Variants in MACROD2 observed in about 807,000 individuals in gnomAD.
MACROD2 encodes the protein ADP-ribose glycohydrolase MACROD2.
In MACROD2, 36 loss-of-function variants were observed where a neutral mutation model predicts 70.4. That is an observed-to-expected ratio of 0.51 (90% CI 0.39 to 0.68). The LOEUF (loss-of-function observed/expected upper bound fraction) is 0.68, where lower values mean the gene tolerates loss of function less well. MACROD2 is among the 30% of genes least tolerant of loss of function. The pLI, the probability that MACROD2 is intolerant of heterozygous loss-of-function variation, is 0.00. For missense variants in MACROD2, 496 were observed against 538.4 expected, an observed-to-expected ratio of 0.92 and a Z score of 0.78; for synonymous variants, 172 against 178.8, an observed-to-expected ratio of 0.96 and a Z score of 0.30.
intron 6 of MACROD2, among the ~76,000 whole-genome samples, chr20:15,345,845 G>A (rs549695751): frequency 3.9e-5 from 6 of 152,270 alleles, no homozygotes; most frequent in Admixed American, 1.3e-4. Context: ...CAGTGCAATG[G>A]ACCATTCTGG....
chr20:15,984,631 T>TC (rs57030785), intron 13 of MACROD2, among the ~76,000 whole-genome samples: 3,196 of 147,538 alleles, frequency 0.022, 40 homozygotes, highest in African/African-American at 0.036. Context: ...AAATTTTGCC[T>TC]CCCCCCCCCG....
At position 14,600,339 on chromosome 20, in the gene MACROD2, TATATAC is replaced by T. The variant is rs1426069191; in HGVS notation, c.302-84502_302-84497del. Among the ~76,000 whole-genome samples, 214 of 142,674 alleles carry T rather than the reference TATATAC, an allele frequency of 1.5e-3. 3 individuals carry two copies. The highest frequency in any genetic ancestry group is 5.7e-3 in the African/African-American group (200 of 34,880). 93.6% of individuals were successfully genotyped at this position (142,674 alleles called of 152,430 possible). ...TAATATGCAGCTACATATATATATA[TATATAC>T]ACACACACACACACACACACAAATA... On this transcript the variant is annotated intron_variant, in intron 4 of 17. Coordinates refer to ENST00000684519, the MANE Select transcript of MACROD2 (RefSeq NM_001351661.2).
chr20:14,470,620 C>T (rs1468314815), intron 3 of MACROD2, among the ~76,000 whole-genome samples: 1 of 152,062 alleles, frequency 6.6e-6, no homozygotes. Context: ...AGATTCCCTG[C>T]CTAGGGTGGA....
intron 5 of MACROD2, among the ~76,000 whole-genome samples, chr20:14,950,968 A>G (rs79372354): frequency 0.081 from 12,296 of 152,134 alleles, 678 homozygotes; most frequent in Non-Finnish European, 0.12. Context: ...TTAGAATTAG[A>G]AGGGGGAGAT....
At chr20:14,010,235 G>T (rs1404647750) in intron 2 of MACROD2, among the ~76,000 whole-genome samples, 2 of 152,140 alleles carry the variant, frequency 1.3e-5, no homozygotes, top group Non-Finnish European at 2.9e-5. Context: ...GGAAGCTAGA[G>T]AAAAAGTGCT....
At chr20:15,114,470 G>A (rs779179880) in intron 5 of MACROD2, among the ~76,000 whole-genome samples, 12 of 152,232 alleles carry the variant, frequency 7.9e-5, no homozygotes, top group East Asian at 7.7e-4. Flanking sequence ...GTAGTTCTTG[G>A]TTGGTAGCCA....
At chr20:14,329,860 C>A (rs533637511) in intron 3 of MACROD2, among the ~76,000 whole-genome samples, 2 of 152,012 alleles carry the variant, frequency 1.3e-5, no homozygotes, top group African/African-American at 4.8e-5. Flanking sequence ...GGTCTCAATT[C>A]TCCCAACTGC....
rs150990831 is a variant in MACROD2, at chr20:15,643,517, C to T, written c.645+143670C>T. Among the ~76,000 whole-genome samples, 418 of 151,812 alleles carry T rather than the reference C, an allele frequency of 2.8e-3. 2 individuals carry two copies. Among genetic ancestry groups the T allele is most frequent in the African/African-American group, 9.2e-3 (381 of 41,382 alleles). The stretch of plus-strand genomic sequence containing the variant: ...TGTCAGATTGACTTATGTCATTGCA[C>T]GTTTGTCATCAGTCTCTTTTATGGA... On this transcript the variant is annotated intron_variant, in intron 8 of 17. Coordinates refer to ENST00000684519, the MANE Select transcript of MACROD2 (RefSeq NM_001351661.2).
At chr20:14,007,167 A>C (rs1299542915) in intron 2 of MACROD2, among the ~76,000 whole-genome samples, 2 of 151,528 alleles carry the variant, frequency 1.3e-5, no homozygotes, top group Non-Finnish European at 2.9e-5. Context: ...ATCATTCCTT[A>C]TTTATTTGTC....
chr20:15,057,284 T>G (rs1223610545), intron 5 of MACROD2, among the ~76,000 whole-genome samples: 1 of 152,234 alleles, frequency 6.6e-6, no homozygotes, highest in East Asian at 1.9e-4. Flanking sequence ...AGGACTGCCT[T>G]CCTTAAGTGT....
intron 4 of MACROD2, among the ~76,000 whole-genome samples, chr20:14,527,499 T>C (rs1356230092): frequency 2.3e-4 from 2 of 8,658 alleles, no homozygotes; most frequent in East Asian, 0.05. Flanking sequence ...TCTGATTATA[T>C]AGGCAAAAAA....
At chr20:13,996,282 C>G (rs1055894947) in intron 1 of MACROD2, 3 of 176,048 alleles carry the variant, frequency 1.7e-5, no homozygotes, top group Non-Finnish European at 3.5e-5. Context: ...CCTTCTCGCC[C>G]CTGTCCCCCC....
intron 8 of MACROD2, among the ~76,000 whole-genome samples, chr20:15,624,103 G>A (rs1024516308): frequency 3.4e-4 from 51 of 152,220 alleles, no homozygotes; most frequent in South Asian, 1.0e-3. Context: ...CCAAAGGCTC[G>A]AGAGCCCCTG....
chr20:15,351,794 T>C (rs1220690506), intron 6 of MACROD2, among the ~76,000 whole-genome samples: 1 of 152,188 alleles, frequency 6.6e-6, no homozygotes, highest in African/African-American at 2.4e-5. Context: ...AAACCAAGGT[T>C]CTTCACTGTA....
At chr20:14,357,683 T>A (rs1268164601) in intron 3 of MACROD2, among the ~76,000 whole-genome samples, 1 of 152,246 alleles carries the variant, frequency 6.6e-6, no homozygotes, top group Admixed American at 6.5e-5. Context: ...TGGCTTCTCC[T>A]TAGAACTCTG....
At chr20:15,006,940 G>C (rs2075042334) in intron 5 of MACROD2, among the ~76,000 whole-genome samples, 1 of 152,124 alleles carries the variant, frequency 6.6e-6, no homozygotes, top group African/African-American at 2.4e-5. Flanking sequence ...TGAACAAAAA[G>C]AGTGTTTTTT....
intron 3 of MACROD2, among the ~76,000 whole-genome samples, chr20:14,424,010 C>T (rs1484876805): frequency 6.6e-6 from 1 of 151,932 alleles, no homozygotes; most frequent in Non-Finnish European, 1.5e-5. Context: ...GATCCGCCCG[C>T]CTCAGCCTCC....
At chr20:14,354,553 A>G (rs997970999) in intron 3 of MACROD2, among the ~76,000 whole-genome samples, 8 of 152,114 alleles carry the variant, frequency 5.3e-5, no homozygotes, top group African/African-American at 1.4e-4. Flanking sequence ...TTATTTTTAT[A>G]ATGATATTAA....
intron 15 of MACROD2, among the ~76,000 whole-genome samples, chr20:16,037,654 G>A (rs2067253025): frequency 6.6e-6 from 1 of 151,818 alleles, no homozygotes; most frequent in Non-Finnish European, 1.5e-5. Context: ...AGTGCTATGA[G>A]ATTTGGTCAA....
Sources: gnomAD v4.1 joint callset for allele counts (sites outside exome capture counted in the v4.1 genomes callset) on GRCh38, gnomAD v4.1.1 for gene constraint, MANE v1.5 for transcripts, NCBI Gene and HGNC (gene_info 2026-07-23, HGNC 2026-07-21) for gene names.